RPTOR: variants seen among roughly 807,000 people sequenced by gnomAD.
RPTOR encodes regulatory associated protein of MTOR complex 1.
In RPTOR, 21 loss-of-function variants were observed where a neutral mutation model predicts 169.9. The ratio of observed to expected loss-of-function variants is 0.12; its 90% CI spans 0.09 to 0.18. RPTOR has a LOEUF of 0.18. RPTOR is among the 10% of genes least tolerant of loss of function. RPTOR has a pLI of 1.00. For missense variants in RPTOR, 1,133 were observed against 1,855.9 expected, an observed-to-expected ratio of 0.61 and a Z score of 7.16; for synonymous variants, 732 against 753.2, an observed-to-expected ratio of 0.97 and a Z score of 0.46.
Position 80,949,440 on chromosome 17 carries a change from C to A in RPTOR, c.3266-3C>A. On this transcript the variant is annotated splice_region_variant and splice_polypyrimidine_tract_variant and intron_variant, in intron 27 of 33. Coordinates refer to ENST00000306801, the MANE Select transcript of RPTOR (RefSeq NM_020761.3). Reference sequence around the variant, plus strand: ...TCACATCCTTTCCTCTCTCCCTCCCCAGACGATGGTGCCATCAGGGTCTGG... The same window carrying A: ...TCACATCCTTTCCTCTCTCCCTCCCAAGACGATGGTGCCATCAGGGTCTGG... 1.2e-6 allele frequency: 2 copies of A among 1,613,218 alleles called. No homozygotes were observed. The highest frequency in any genetic ancestry group is 1.1e-5 in the South Asian group (1 of 91,074).
At chr17:80,710,125 C>T (rs1273962262) in intron 4 of RPTOR, among the ~76,000 whole-genome samples, 1 of 151,942 alleles carries the variant, frequency 6.6e-6, no homozygotes, top group East Asian at 1.9e-4. Flanking sequence ...TACAGGTGTG[C>T]ACCACCACAC....
intron 21 of RPTOR, among the ~76,000 whole-genome samples, chr17:80,917,231 G>A (rs1424056256): frequency 1.5e-5 from 2 of 132,548 alleles, no homozygotes; most frequent in Middle Eastern, 3.7e-3. Flanking sequence ...TGCTGCCTCG[G>A]CTTCCCATGT....
chr17:80,896,661 G>A (rs1242202444), intron 20 of RPTOR, among the ~76,000 whole-genome samples: 3 of 152,068 alleles, frequency 2.0e-5, no homozygotes, highest in Non-Finnish European at 4.4e-5. Flanking sequence ...GAACTGTCTT[G>A]GCCGCTCTTA....
At chr17:80,669,534 G>T (rs377582888) in intron 3 of RPTOR, among the ~76,000 whole-genome samples, 1 of 152,202 alleles carries the variant, frequency 6.6e-6, no homozygotes, top group South Asian at 2.1e-4. Context: ...ACAGGCGTGC[G>T]CCACCATGCC....
chr17:80,574,181 G>A (rs182645573), intron 1 of RPTOR, among the ~76,000 whole-genome samples: 7,412 of 137,400 alleles, frequency 0.054, 650 homozygotes, highest in African/African-American at 0.19. Flanking sequence ...TTTTTGAGAC[G>A]GAGTCTCGCT....
intron 3 of RPTOR, among the ~76,000 whole-genome samples, chr17:80,657,607 A>C (rs1598197479): frequency 6.6e-6 from 1 of 152,166 alleles, no homozygotes; most frequent in Non-Finnish European, 1.5e-5. Flanking sequence ...ACCAGCTCTT[A>C]GTTTACTGGG....
Position 80,911,910 on chromosome 17 carries a change from C to G in RPTOR, c.2520+2981C>G, listed in dbSNP as rs55766603. Among the ~76,000 whole-genome samples, 819 of 152,328 alleles carry G rather than the reference C, an allele frequency of 5.4e-3. 14 individuals carry two copies. Among genetic ancestry groups the G allele is most frequent in the African/African-American group, 0.019 (791 of 41,580 alleles). ...AAGTCATAAGACTGCACAAACACCC[C>G]TGAGGAAACCACCCACGGAGGCCCC... On this transcript the variant is annotated intron_variant, in intron 21 of 33. Coordinates refer to ENST00000306801, the MANE Select transcript of RPTOR (RefSeq NM_020761.3).
At chr17:80,587,691 A>G (rs868351052) in intron 1 of RPTOR, among the ~76,000 whole-genome samples, 2 of 151,904 alleles carry the variant, frequency 1.3e-5, no homozygotes, top group Non-Finnish European at 2.9e-5. Context: ...TATTTATGAG[A>G]TACAATGTGA....
intron 28 of RPTOR, among the ~76,000 whole-genome samples, chr17:80,952,072 C>T (rs950104759): frequency 6.6e-6 from 1 of 152,200 alleles, no homozygotes; most frequent in Non-Finnish European, 1.5e-5. Flanking sequence ...CAGCAGGTTG[C>T]TGGGGGATGT....
At chr17:80,616,908 C>T (rs2143505805) in intron 1 of RPTOR, among the ~76,000 whole-genome samples, 1 of 152,318 alleles carries the variant, frequency 6.6e-6, no homozygotes, top group African/African-American at 2.4e-5. Flanking sequence ...CAACATTCCT[C>T]ACACCGGTCC....
intron 9 of RPTOR, among the ~76,000 whole-genome samples, chr17:80,826,653 G>T (rs1024540897): frequency 6.6e-6 from 1 of 152,262 alleles, no homozygotes; most frequent in African/African-American, 2.4e-5. Context: ...TCTGCCGGGT[G>T]TCACTGTGTC....
intron 3 of RPTOR, among the ~76,000 whole-genome samples, chr17:80,673,347 A>AAAACTG (rs1430305340): frequency 6.6e-6 from 1 of 152,194 alleles, no homozygotes; most frequent in Non-Finnish European, 1.5e-5. Context: ...GTTTCCCATG[A>AAAACTG]AAACTGTCAC....
intron 3 of RPTOR, among the ~76,000 whole-genome samples, chr17:80,644,304 T>C (rs1378824060): frequency 1.0e-5 from 1 of 96,712 alleles, no homozygotes; most frequent in Non-Finnish European, 2.0e-5. Context: ...AATTAGTGTG[T>C]GGGTTTTTTT....
chr17:80,584,631 A>G lies in RPTOR; in HGVS notation c.162+38840A>G, dbSNP rs562732846. On this transcript the variant is annotated intron_variant, in intron 1 of 33. Coordinates refer to ENST00000306801, the MANE Select transcript of RPTOR (RefSeq NM_020761.3). Reference sequence around the variant, plus strand: ...TTTCCTGTGTTTCATTTTTCCCACAACCTTTCCCCTTTTGACTTCTTTGGG... The same window carrying G: ...TTTCCTGTGTTTCATTTTTCCCACAGCCTTTCCCCTTTTGACTTCTTTGGG... Among the ~76,000 whole-genome samples, 6 of 152,278 alleles carry G rather than the reference A, an allele frequency of 3.9e-5. No individual in the cohort carries two copies. The South Asian group carries it at 1.0e-3, about 26-fold the overall frequency.
At chr17:80,781,963 C>T (rs901608641) in intron 6 of RPTOR, among the ~76,000 whole-genome samples, 3 of 152,242 alleles carry the variant, frequency 2.0e-5, no homozygotes, top group South Asian at 4.1e-4. Flanking sequence ...GGTCACCAGG[C>T]GTGCAGCCAT....
intron 11 of RPTOR, among the ~76,000 whole-genome samples, chr17:80,852,759 G>GCTCCTCCCT (rs2067807008): frequency 1.3e-5 from 2 of 151,734 alleles, no homozygotes; most frequent in Middle Eastern, 6.8e-3. Context: ...CCACAGGGAA[G>GCTCCTCCCT]CTCCTCCCTC....
intron 1 of RPTOR, among the ~76,000 whole-genome samples, chr17:80,553,600 G>C (rs2143219233): frequency 6.6e-6 from 1 of 152,298 alleles, no homozygotes; most frequent in Middle Eastern, 3.4e-3. Flanking sequence ...ATTTGGAACA[G>C]CTGCATAATT....
At chr17:80,794,225 G>T (rs1372278501) in intron 7 of RPTOR, among the ~76,000 whole-genome samples, 1 of 152,068 alleles carries the variant, frequency 6.6e-6, no homozygotes, top group Non-Finnish European at 1.5e-5. Context: ...AATGTATAAA[G>T]ATATCTCAAA....
chr17:80,945,119 C>A (rs2069083285), intron 25 of RPTOR, among the ~76,000 whole-genome samples: 1 of 151,792 alleles, frequency 6.6e-6, no homozygotes, highest in Non-Finnish European at 1.5e-5. Flanking sequence ...CACAGTAAGA[C>A]CCTGTCTCAA....
Sources: allele counts gnomAD v4.1 joint callset (sites outside exome capture counted in the v4.1 genomes callset), GRCh38; gene constraint gnomAD v4.1.1; transcripts MANE v1.5; gene names NCBI Gene and HGNC (gene_info 2026-07-23, HGNC 2026-07-21).